LMO7: variants seen among roughly 807,000 people sequenced by gnomAD.
The protein encoded by LMO7 is LIM domain 7.
LMO7 carries 120 observed loss-of-function variants against 206.5 expected under a neutral mutation model. That is an observed-to-expected ratio of 0.58 (90% CI 0.50 to 0.68). The LOEUF (loss-of-function observed/expected upper bound fraction) is 0.68, where lower values mean the gene tolerates loss of function less well. Among genes scored for constraint, LMO7 ranks in the 30% least tolerant of loss-of-function variants. The pLI, the probability that LMO7 is intolerant of heterozygous loss-of-function variation, is 0.00. For missense variants in LMO7, 1,959 were observed against 1,957.9 expected, an observed-to-expected ratio of 1.00 and a Z score of -0.01; for synonymous variants, 706 against 681.5, an observed-to-expected ratio of 1.04 and a Z score of -0.56.
intron 13 of LMO7, among the ~76,000 whole-genome samples, chr13:75,820,791 G>A (rs1364933325): frequency 2.0e-5 from 3 of 152,086 alleles, no homozygotes; most frequent in East Asian, 1.9e-4. Flanking sequence ...TCAGGAGTTC[G>A]AGATCAGCTT....
At chr13:75,815,290 G>A (rs2056862716) in intron 11 of LMO7, among the ~76,000 whole-genome samples, 1 of 152,182 alleles carries the variant, frequency 6.6e-6, no homozygotes, top group Non-Finnish European at 1.5e-5. Context: ...GGATCAGGGT[G>A]TAATGGTGCA....
chr13:75,833,966 A>G (rs2058908186), intron 16 of LMO7, among the ~76,000 whole-genome samples: 1 of 152,126 alleles, frequency 6.6e-6, no homozygotes. Flanking sequence ...TTGGGAGGTT[A>G]ATAAAGAAGT....
In LMO7 at chr13:75,821,393, A is replaced by T; in HGVS notation, c.2424A>T (p.Glu808Asp). The change falls in exon 14 of 31, where the codon GAA becomes GAT. Residue 808 changes from glutamate (E) to aspartate (D), a missense_variant. Glu to Asp is a conservative substitution (Grantham distance 45, BLOSUM62 2). Coordinates refer to ENST00000377534, the MANE Select transcript of LMO7 (RefSeq NM_001306080.2). ...AAAGAGAGGACCGTGTAACAACTGA[A>T]ATTCAGCTTCCTTCTCAAAGTCCTG... ...FAKREDRVTT[E>D]IQLPSQSPVE... 2 of 1,614,128 alleles carry T rather than the reference A, an allele frequency of 1.2e-6. No homozygotes were observed. Among genetic ancestry groups the T allele is most frequent in the East Asian group, 4.5e-5 (2 of 44,872 alleles).
chr13:75,854,670 C>T (rs1350128629), intron 28 of LMO7, among the ~76,000 whole-genome samples: 3 of 152,152 alleles, frequency 2.0e-5, no homozygotes. Flanking sequence ...CTCTCCATGG[C>T]AGCTGTTAGG....
At chr13:75,724,606 A>AT (rs2044306437) in intron 2 of LMO7, among the ~76,000 whole-genome samples, 1 of 152,212 alleles carries the variant, frequency 6.6e-6, no homozygotes, top group South Asian at 2.1e-4. Context: ...TTGATTTGAC[A>AT]TAAGGCTATG....
At chr13:75,835,049 C>A in intron 17 of LMO7, 184 bp from the exon 18 acceptor site, 1 of 637,600 alleles carries the variant, frequency 1.6e-6, no homozygotes, top group Non-Finnish European at 2.3e-6. Flanking sequence ...ATTTGTTTGT[C>A]TTGTATATGT....
intron 3 of LMO7, among the ~76,000 whole-genome samples, chr13:75,737,777 T>TAAAAAAAAAAAAAAAAAAAAAAA (rs1391839155): frequency 4.4e-5 from 1 of 22,702 alleles, no homozygotes; most frequent in Non-Finnish European, 6.9e-5. Context: ...TAAAATAAAA[T>TAAAAAAAAAAAAAAAAAAAAAAA]AAAATAAAAA....
chr13:75,686,171 AT>A (rs1410223201), intron 1 of LMO7, among the ~76,000 whole-genome samples: 1 of 151,894 alleles, frequency 6.6e-6, no homozygotes, highest in Non-Finnish European at 1.5e-5. Context: ...GTATTAGTCC[AT>A]TTTCACGCTA....
intron 1 of LMO7, among the ~76,000 whole-genome samples, chr13:75,675,885 C>T (rs9544019): frequency 0.33 from 43,565 of 132,554 alleles, 7,065 homozygotes; most frequent in Non-Finnish European, 0.4. Context: ...CGTGCACGAG[C>T]GTGCACACAC....
At chr13:75,841,260 C>A in intron 23 of LMO7, 59 bp downstream of exon 23, 1 of 1,124,944 alleles carries the variant, frequency 8.9e-7, no homozygotes, top group Non-Finnish European at 1.3e-6. Context: ...GTGAGATTAG[C>A]TGAGAATCAG....
chr13:75,697,527 T>G (rs1183550550), intron 1 of LMO7, among the ~76,000 whole-genome samples: 1 of 152,198 alleles, frequency 6.6e-6, no homozygotes, highest in Non-Finnish European at 1.5e-5. Flanking sequence ...CATGATTCAA[T>G]TATCTCCCAC....
Position 75,834,303 on chromosome 13 carries a change from G to A in LMO7, c.3142G>A (p.Asp1048Asn), listed in dbSNP as rs556560630. ...AINNTKFSYN[D>N]SKEWEEAMAK... ...TAACAACACCAAGTTTTCATATAAC[G>A]ATTCAAAAGAGTGGGAGGAAGCCAT... The change falls in exon 17 of 31, where the codon GAT becomes AAT. Residue 1048 changes from aspartate (D) to asparagine (N), a missense_variant. Asp to Asn is a conservative substitution (Grantham distance 23, BLOSUM62 1). Coordinates refer to ENST00000377534, the MANE Select transcript of LMO7 (RefSeq NM_001306080.2). The A allele has an allele frequency of 4.2e-5, 67 of 1,611,124 alleles. 1 individual carries two copies. The highest frequency in any genetic ancestry group is 1.7e-4 in the Middle Eastern group (1 of 6,056).
intron 5 of LMO7, 36 bp downstream of exon 5, chr13:75,795,467 G>T: frequency 6.8e-7 from 1 of 1,465,246 alleles, no homozygotes; most frequent in Non-Finnish European, 9.5e-7. Flanking sequence ...CATTATAAGT[G>T]GCTTTCACTT....
At chr13:75,633,417 A>C (rs2035258692), upstream of LMO7, among the ~76,000 whole-genome samples, 1 of 152,148 alleles carries the variant, frequency 6.6e-6, no homozygotes, top group African/African-American at 2.4e-5. Context: ...ACAAACAAAA[A>C]CCATCACCCC....
At chr13:75,847,013 G>A (rs114247964) in intron 26 of LMO7, among the ~76,000 whole-genome samples, 10 of 145,770 alleles carry the variant, frequency 6.9e-5, no homozygotes, top group African/African-American at 2.0e-4. Context: ...CCTGGGTGAC[G>A]GAGCAGACTC....
chr13:75,672,697 T>C (rs1371160727), intron 1 of LMO7, among the ~76,000 whole-genome samples: 1 of 152,226 alleles, frequency 6.6e-6, no homozygotes, highest in Non-Finnish European at 1.5e-5. Context: ...GGCCAGTTTC[T>C]ACTCCCATCA....
At chr13:75,667,269 G>T (rs1009097298) in intron 1 of LMO7, among the ~76,000 whole-genome samples, 1 of 151,880 alleles carries the variant, frequency 6.6e-6, no homozygotes, top group Non-Finnish European at 1.5e-5. Flanking sequence ...TATTCTGCTT[G>T]GTATTTGCTG....
At chr13:75,686,702 TGAG>T (rs2041030211) in intron 1 of LMO7, among the ~76,000 whole-genome samples, 1 of 152,024 alleles carries the variant, frequency 6.6e-6, no homozygotes, top group Non-Finnish European at 1.5e-5. Flanking sequence ...GGAGAAACAT[TGAG>T]GAGAAGATGT....
At chr13:75,677,970 A>G (rs1943741167) in intron 1 of LMO7, among the ~76,000 whole-genome samples, 1 of 151,782 alleles carries the variant, frequency 6.6e-6, no homozygotes, top group African/African-American at 2.4e-5. Flanking sequence ...AATGACATGA[A>G]CTCATCATTT....
Sources: gnomAD v4.1 joint callset for allele counts (sites outside exome capture counted in the v4.1 genomes callset) on GRCh38, gnomAD v4.1.1 for gene constraint, MANE v1.5 for transcripts, NCBI Gene and HGNC (gene_info 2026-07-23, HGNC 2026-07-21) for gene names.